Variants in PDZD2 observed in about 807,000 individuals in gnomAD.
PDZD2 encodes the protein PDZ domain containing 2, also known as PDZ domain-containing protein 2.
PDZD2 carries 90 observed loss-of-function variants against 220.7 expected under a neutral mutation model. That is an observed-to-expected ratio of 0.41 (90% CI 0.34 to 0.49). The LOEUF (loss-of-function observed/expected upper bound fraction) is 0.49. Among genes scored for constraint, PDZD2 ranks in the 20% least tolerant of loss-of-function variants. The pLI is 0.28. For missense variants in PDZD2, 3,174 were observed against 3,608.5 expected (o/e 0.88, Z 3.08); for synonymous variants, 1,375 against 1,450.5 (o/e 0.95, Z 1.18).
intron 4 of PDZD2, among the ~76,000 whole-genome samples, chr5:31,998,715 C>G (rs1051036283): frequency 6.6e-5 from 10 of 152,230 alleles, no homozygotes; most frequent in Non-Finnish European, 1.5e-5. Context: ...TACATTAACA[C>G]TAACGATAGC....
At chr5:32,080,850 A>G (rs6885231) in intron 19 of PDZD2, among the ~76,000 whole-genome samples, 14 of 152,280 alleles carry the variant, frequency 9.2e-5, no homozygotes, top group African/African-American at 2.9e-4. Context: ...GTTCTTACTT[A>G]TAAGTGGGAG....
In PDZD2 at chr5:31,732,070, C is replaced by T. The variant is rs562187029; in HGVS notation, c.-360-66819C>T. ...TCACAGGAAGTCTGTCTGGAACAAACCTTGTAGAGGCCCCTCATCCTCTAC... is the reference window on the plus strand; with the variant it reads ...TCACAGGAAGTCTGTCTGGAACAAATCTTGTAGAGGCCCCTCATCCTCTAC... On this transcript the variant is annotated intron_variant, in intron 1 of 24. Coordinates refer to ENST00000438447, the MANE Select transcript of PDZD2 (RefSeq NM_178140.4). 7.2e-5 allele frequency among the ~76,000 whole-genome samples: 11 copies of T among 152,326 alleles called. No homozygotes were observed. The East Asian group carries it at 1.9e-3, about 27-fold the overall frequency.
chr5:32,087,902 G>A lies in PDZD2; in HGVS notation c.4454G>A (p.Arg1485Lys). 1 of 1,613,478 alleles carries A rather than the reference G, an allele frequency of 6.2e-7. No homozygotes were observed. The highest frequency in any genetic ancestry group is 8.5e-7 in the Non-Finnish European group (1 of 1,179,802). ...GGGGGCCAGACCTCCTCCCCGAGGA[G>A]GGCCTGGGCTGCTGGTGCCCCCGCC... ...VPGGQTSSPR[R>K]AWAAGAPAYP... The change falls in exon 20 of 25, where the codon AGG becomes AAG. Residue 1485 changes from arginine to lysine, a missense_variant. Physicochemically the swap from Arg to Lys is conservative, Grantham distance 26. This residue lies in a region of PDZD2 where 1,861 missense variants were observed against 2,001.0 expected (regional missense o/e 0.93). Coordinates refer to ENST00000438447, the MANE Select transcript of PDZD2 (RefSeq NM_178140.4). The surrounding 1 kb of genome is among the most constrained non-coding windows in gnomAD (Gnocchi z 4.0).
chr5:31,679,711 T>C (rs1746578242), intron 1 of PDZD2, among the ~76,000 whole-genome samples: 1 of 152,142 alleles, frequency 6.6e-6, no homozygotes, highest in Admixed American at 6.5e-5. Flanking sequence ...GGTTTTGCCA[T>C]GCTGGCCAGG....
chr5:31,932,303 C>A (rs1186258733), intron 2 of PDZD2, among the ~76,000 whole-genome samples: 3 of 152,132 alleles, frequency 2.0e-5, no homozygotes, highest in African/African-American at 7.2e-5. Context: ...AATCCTTGTA[C>A]TTTAGGAGGC....
At chr5:31,860,182 C>T (rs1200161293) in intron 2 of PDZD2, among the ~76,000 whole-genome samples, 2 of 152,110 alleles carry the variant, frequency 1.3e-5, no homozygotes, top group Non-Finnish European at 2.9e-5. Flanking sequence ...TCGCCCCTGC[C>T]TCAGCTATAC....
intron 2 of PDZD2, among the ~76,000 whole-genome samples, chr5:31,915,793 T>A (rs1263068011): frequency 6.6e-6 from 1 of 152,224 alleles, no homozygotes; most frequent in Non-Finnish European, 1.5e-5. Context: ...CCACTTGGCC[T>A]TTCTATCTGA....
intron 1 of PDZD2, among the ~76,000 whole-genome samples, chr5:31,665,646 C>CCCT (rs1554060788): frequency 9.1e-6 from 1 of 110,366 alleles, no homozygotes. Context: ...GTTCCCCCTC[C>CCCT]CCCCCCTCCC....
At chr5:31,956,145 A>G (rs1475221267) in intron 2 of PDZD2, among the ~76,000 whole-genome samples, 1 of 152,040 alleles carries the variant, frequency 6.6e-6, no homozygotes. Context: ...CTTGCTCTAT[A>G]GTACTGTTCA....
At chr5:31,822,796 A>T in intron 2 of PDZD2, 1 of 936,796 alleles carries the variant, frequency 1.1e-6, no homozygotes, top group Non-Finnish European at 1.7e-6. Flanking sequence ...GAAATTTCAG[A>T]TTTCAACAGA....
chr5:31,815,792 A>T (rs73060325), intron 2 of PDZD2, among the ~76,000 whole-genome samples: 98 of 152,310 alleles, frequency 6.4e-4, no homozygotes, highest in South Asian at 1.7e-3. Context: ...AACCCTGAAA[A>T]TTTTGTAAAA....
At chr5:31,687,915 G>A (rs1746938945) in intron 1 of PDZD2, among the ~76,000 whole-genome samples, 1 of 152,116 alleles carries the variant, frequency 6.6e-6, no homozygotes, top group Non-Finnish European at 1.5e-5. Flanking sequence ...GCAGTCACAT[G>A]GTGGGTTAGG....
chr5:31,765,337 A>C (rs1751937432), intron 1 of PDZD2, among the ~76,000 whole-genome samples: 1 of 152,164 alleles, frequency 6.6e-6, no homozygotes, highest in Non-Finnish European at 1.5e-5. Flanking sequence ...ATCGGTGACC[A>C]CACTTCCCTC....
At chr5:31,873,382 C>T (rs933943642) in intron 2 of PDZD2, among the ~76,000 whole-genome samples, 1 of 150,990 alleles carries the variant, frequency 6.6e-6, no homozygotes, top group African/African-American at 2.4e-5. Flanking sequence ...TGCAGTGAGT[C>T]ATGATAGAGC....
At chr5:31,655,794 A>G (rs576373258) in intron 1 of PDZD2, among the ~76,000 whole-genome samples, 28 of 152,348 alleles carry the variant, frequency 1.8e-4, no homozygotes, top group African/African-American at 6.7e-4. Context: ...AAGTGAAGCC[A>G]GCATTGCAAA....
At chr5:31,751,452 AT>A in intron 1 of PDZD2, among the ~76,000 whole-genome samples, 1 of 152,252 alleles carries the variant, frequency 6.6e-6, no homozygotes, top group Non-Finnish European at 1.5e-5. Context: ...CCCACGATGC[AT>A]TTTGAAGGTG....
At chr5:31,764,470 G>A (rs558867248) in intron 1 of PDZD2, among the ~76,000 whole-genome samples, 15 of 152,250 alleles carry the variant, frequency 9.9e-5, no homozygotes, top group South Asian at 8.3e-4. Flanking sequence ...GGGCAACCTC[G>A]AGTCAAAGCC....
intron 8 of PDZD2, 43 bp from the exon 9 acceptor site, chr5:32,052,568 C>A: frequency 6.3e-7 from 1 of 1,599,866 alleles, no homozygotes; most frequent in Non-Finnish European, 8.6e-7. Flanking sequence ...CACAATAGAA[C>A]AAATGAGAGT....
chr5:31,862,559 TTTTC>T (rs1360808713), intron 2 of PDZD2, among the ~76,000 whole-genome samples: 3 of 133,414 alleles, frequency 2.2e-5, no homozygotes, highest in East Asian at 4.2e-4. Context: ...GCACCTTTTC[TTTTC>T]TTTTTTTTTT....
Sources: gnomAD v4.1 joint callset for allele counts (sites outside exome capture counted in the v4.1 genomes callset) on GRCh38, gnomAD v4.1.1 for gene constraint, gnomAD v4.1.1 regional missense constraint, Gnocchi (gnomAD v3.1) non-coding constraint, MANE v1.5 for transcripts, NCBI Gene and HGNC (gene_info 2026-07-23, HGNC 2026-07-21) for gene names.